The following DEK variants were observed in gnomAD, a reference collection of about 807,000 sequenced individuals.
DEK encodes protein DEK.
A neutral mutation model predicts 46.8 loss-of-function variants in DEK; 28 were observed. The ratio of observed to expected loss-of-function variants is 0.60; its 90% CI spans 0.44 to 0.82. DEK has a LOEUF of 0.82. Among genes scored for constraint, DEK ranks in the 40% least tolerant of loss-of-function variants. The pLI is 0.00. For synonymous variants in DEK, 160 were observed against 144.5 expected, an observed-to-expected ratio of 1.11 and a Z score of -0.77; for missense variants, 416 against 430.6, an observed-to-expected ratio of 0.97 and a Z score of 0.30.
intron 7 of DEK, among the ~76,000 whole-genome samples, chr6:18,241,003 C>A (rs899241373): frequency 1.3e-5 from 2 of 152,160 alleles, no homozygotes; most frequent in Non-Finnish European, 2.9e-5. Context: ...TAGCAACCAG[C>A]TGTAAATTCT....
chr6:18,242,560 C>T (rs747127778), intron 7 of DEK, among the ~76,000 whole-genome samples: 3 of 152,194 alleles, frequency 2.0e-5, no homozygotes, highest in Non-Finnish European at 4.4e-5. Flanking sequence ...TCACTCCTGC[C>T]CGGGATGTGA....
intron 9 of DEK, among the ~76,000 whole-genome samples, chr6:18,231,973 C>G (rs1413830863): frequency 6.6e-6 from 1 of 152,182 alleles, no homozygotes; most frequent in East Asian, 1.9e-4. Context: ...CAATACAATA[C>G]TGGCAAACCG....
chr6:18,242,523 G>T (rs1415525704), intron 7 of DEK, among the ~76,000 whole-genome samples: 1 of 152,178 alleles, frequency 6.6e-6, no homozygotes, highest in Non-Finnish European at 1.5e-5. Context: ...GTTCTGAGTA[G>T]TGTGATGAAA....
At chr6:18,264,081 TC>T in intron 1 of DEK, 85 bp from the exon 2 acceptor site, 2 of 1,266,314 alleles carry the variant, frequency 1.6e-6, no homozygotes, top group Non-Finnish European at 2.1e-6. Context: ...ATGCTACCCT[TC>T]CCGCGGGACA....
chr6:18,263,837 C>A lies in DEK; in HGVS notation c.145+6G>T, dbSNP rs747223131. ...AATTCATCAGTTGGGATGCGACTCCCCCCACCTTTTTCCTCCTCCTCCTCC... is the reference window on the plus strand; with the variant it reads ...AATTCATCAGTTGGGATGCGACTCCACCCACCTTTTTCCTCCTCCTCCTCC... On this transcript the variant is annotated splice_donor_region_variant and intron_variant, in intron 2 of 10. Coordinates refer to ENST00000652689, the MANE Select transcript of DEK (RefSeq NM_003472.4). 3 of 1,611,972 alleles carry A rather than the reference C, an allele frequency of 1.9e-6. No individual in the cohort carries two copies. The highest frequency in any genetic ancestry group is 3.4e-5 in the Admixed American group (2 of 59,694).
At position 18,223,880 on chromosome 6, in the gene DEK, C is replaced by G. The variant is rs1428628198; in HGVS notation, c.*1839G>C. The G allele has an allele frequency of 1.3e-5, 2 of 152,160 alleles. No homozygotes were observed. The highest frequency in any genetic ancestry group is 4.8e-5 in the African/African-American group (2 of 41,442). The allele number at this position is 152,160 out of a possible 1,614,324, so 9.4% of individuals were successfully genotyped here. ...CTCTGTACTGTAGTGGTGATACATC[C>G]ATTTAATAAGTGTGCGTACTCATCA... On this transcript the variant is annotated 3_prime_UTR_variant, in exon 11 of 11. Transcript: ENST00000652689.
At chr6:18,232,400 A>G (rs1216929267) in intron 9 of DEK, among the ~76,000 whole-genome samples, 1 of 152,190 alleles carries the variant, frequency 6.6e-6, no homozygotes, top group African/African-American at 2.4e-5. Context: ...AGGGTATTCA[A>G]TTAGGAAAAG....
At chr6:18,246,047 G>A (rs1407756618) in intron 7 of DEK, among the ~76,000 whole-genome samples, 1 of 152,210 alleles carries the variant, frequency 6.6e-6, no homozygotes, top group Non-Finnish European at 1.5e-5. Flanking sequence ...ATGTGGAACT[G>A]TGAGTCAACT....
intron 10 of DEK, 107 bp from the exon 11 acceptor site, chr6:18,225,837 A>ATTTCC (rs1224322080): frequency 3.1e-6 from 4 of 1,285,000 alleles, no homozygotes; most frequent in Non-Finnish European, 4.4e-6. Context: ...TGAGATCAAT[A>ATTTCC]CAGAATTACA....
intron 7 of DEK, among the ~76,000 whole-genome samples, chr6:18,246,240 A>G (rs1489417027): frequency 6.6e-6 from 1 of 152,214 alleles, no homozygotes; most frequent in Admixed American, 6.5e-5. Flanking sequence ...AAAAGAAAAA[A>G]AGAAAATCAT....
chr6:18,260,890 G>A (rs1458238661), intron 2 of DEK, among the ~76,000 whole-genome samples: 1 of 151,544 alleles, frequency 6.6e-6, no homozygotes, highest in Non-Finnish European at 1.5e-5. Flanking sequence ...GGTTCCTGAG[G>A]TGAGAGGATT....
chr6:18,230,063 G>A (rs1314600983), intron 9 of DEK, among the ~76,000 whole-genome samples: 1 of 152,216 alleles, frequency 6.6e-6, no homozygotes, highest in African/African-American at 2.4e-5. Context: ...AATAGAGTGA[G>A]GGCCAATATT....
chr6:18,247,679 T>C (rs529620997), intron 7 of DEK, among the ~76,000 whole-genome samples: 1 of 143,514 alleles, frequency 7.0e-6, no homozygotes, highest in Non-Finnish European at 1.5e-5. Context: ...AATGCTCTCG[T>C]TTTTTTTTTT....
chr6:18,226,282 T>C, intron 9 of DEK, 40 bp from the exon 10 acceptor site: 3 of 1,302,828 alleles, frequency 2.3e-6, no homozygotes, highest in South Asian at 1.5e-5. Context: ...TAAAAGCAGA[T>C]TTTAAAATCC....
At position 18,225,527 on chromosome 6, in the gene DEK, A is replaced by G. The variant is rs570099618; in HGVS notation, c.*192T>C. ...TGCCATGCAAGATTTTAAACTAAAA[A>G]TGGCATAGAAATGCAATTTAAAACA... is the stretch of plus-strand genomic sequence containing the variant. On this transcript the variant is annotated 3_prime_UTR_variant, in exon 11 of 11. Coordinates refer to ENST00000652689, the MANE Select transcript of DEK (RefSeq NM_003472.4). 78 of 511,770 alleles carry G rather than the reference A, an allele frequency of 1.5e-4. No individual in the cohort carries two copies. The highest frequency in any genetic ancestry group is 1.0e-3 in the African/African-American group (51 of 51,078). 31.7% of individuals were successfully genotyped at this position (511,770 alleles called of 1,614,324 possible).
At chr6:18,238,329 G>A (rs1048318645) in intron 7 of DEK, among the ~76,000 whole-genome samples, 2 of 152,148 alleles carry the variant, frequency 1.3e-5, no homozygotes, top group Non-Finnish European at 2.9e-5. Flanking sequence ...AAATATAGAT[G>A]TGACTCCAGA....
intron 1 of DEK, 22 bp from the exon 2 acceptor site, chr6:18,264,018 G>A (rs1321983639): frequency 6.3e-7 from 1 of 1,582,100 alleles, no homozygotes; most frequent in African/African-American, 1.4e-5. Context: ...AAGAAAGCCG[G>A]ACGTCTCGGT....
chr6:18,253,480 T>C (rs1169443749), intron 6 of DEK, among the ~76,000 whole-genome samples: 1 of 152,152 alleles, frequency 6.6e-6, no homozygotes, highest in East Asian at 1.9e-4. Flanking sequence ...ACGTCAACAT[T>C]TGGAAGACAT....
intron 7 of DEK, among the ~76,000 whole-genome samples, chr6:18,249,275 T>C (rs997595960): frequency 1.2e-4 from 19 of 152,222 alleles, no homozygotes; most frequent in African/African-American, 4.6e-4. Context: ...TAAAATAAAA[T>C]GATCCAAGTC....
Sources: gnomAD v4.1 joint callset for allele counts (sites outside exome capture counted in the v4.1 genomes callset) on GRCh38, gnomAD v4.1.1 for gene constraint, MANE v1.5 for transcripts, NCBI Gene and HGNC (gene_info 2026-07-23, HGNC 2026-07-21) for gene names.